Variants in ACTN2 observed in about 807,000 individuals in gnomAD.
The protein encoded by ACTN2 is alpha-actinin-2.
In ACTN2, 39 loss-of-function variants were observed where a neutral mutation model predicts 113.8. That is an observed-to-expected ratio of 0.34 (90% CI 0.27 to 0.45). The LOEUF (loss-of-function observed/expected upper bound fraction) is 0.45, where lower values mean the gene tolerates loss of function less well. Ranked by LOEUF, ACTN2 falls within the 20% of genes least tolerant of loss-of-function variation. The pLI is 1.00. For synonymous variants in ACTN2, 429 were observed against 444.1 expected (o/e 0.97, Z 0.43); for missense variants, 992 against 1,177.9 (o/e 0.84, Z 2.31).
chr1:236,707,709 C>CTTTTTTT (rs5781919), intron 1 of ACTN2, among the ~76,000 whole-genome samples: 57 of 78,646 alleles, frequency 7.2e-4, no homozygotes, highest in African/African-American at 1.8e-3. Context: ...TCTTTTTTTT[C>CTTTTTTT]TTTTTTTTTT....
In ACTN2 at chr1:236,694,981, G is replaced by T. The variant is rs558655186; in HGVS notation, c.126+8182G>T. 1.5e-4 allele frequency among the ~76,000 whole-genome samples: 23 copies of T among 152,142 alleles called. No individual in the cohort carries two copies. In the South Asian group the frequency reaches 4.4e-3, roughly 29 times the overall value. On this transcript the variant is annotated intron_variant, in intron 1 of 20. Coordinates refer to ENST00000366578, the MANE Select transcript of ACTN2 (RefSeq NM_001103.4). ...CTTGGGAGGCTGAAGTGAGAGGATT[G>T]CTTGAGCTCAGAAGTTTGAGGCTGC... is the stretch of plus-strand genomic sequence containing the variant.
intron 19 of ACTN2, among the ~76,000 whole-genome samples, chr1:236,760,177 C>T (rs540682501): frequency 1.2e-3 from 176 of 151,496 alleles, no homozygotes; most frequent in African/African-American, 3.9e-3. Flanking sequence ...ACCTGGGAGG[C>T]GGAGGTTGCA....
chr1:236,712,652 G>A (rs954435580), intron 1 of ACTN2, among the ~76,000 whole-genome samples: 1 of 152,102 alleles, frequency 6.6e-6, no homozygotes, highest in African/African-American at 2.4e-5. Context: ...GAGCGAGACC[G>A]TCTTATCTCT....
chr1:236,757,668 G>T, intron 18 of ACTN2, 36 bp downstream of exon 18: 1 of 1,612,770 alleles, frequency 6.2e-7, no homozygotes, highest in Non-Finnish European at 8.5e-7. Context: ...GCAATACTGG[G>T]GACATTAAAC....
At chr1:236,758,010 C>T (rs1257873271) in intron 18 of ACTN2, among the ~76,000 whole-genome samples, 2 of 152,158 alleles carry the variant, frequency 1.3e-5, no homozygotes, top group African/African-American at 4.8e-5. Flanking sequence ...TTAGGAAAAG[C>T]ATCTGGTCAT....
chr1:236,718,304 T>C (rs1040176195), intron 2 of ACTN2, among the ~76,000 whole-genome samples: 6 of 152,240 alleles, frequency 3.9e-5, no homozygotes, highest in Non-Finnish European at 8.8e-5. Context: ...AGAAATCATC[T>C]TGTATCCAAA....
Position 236,709,368 on chromosome 1 carries a change from G to GTATA in ACTN2, c.127-8480_127-8477dup, listed in dbSNP as rs370579623. 1.7e-3 allele frequency among the ~76,000 whole-genome samples: 236 copies of GTATA among 137,364 alleles called. 3 individuals carry two copies. Among genetic ancestry groups the GTATA allele is most frequent in the African/African-American group, 5.7e-3 (203 of 35,856 alleles). 90.1% of individuals were successfully genotyped at this position (137,364 alleles called of 152,430 possible). A position where few individuals can be genotyped will look rare whatever the true frequency, so the allele number is the denominator to read the frequency against. On this transcript the variant is annotated intron_variant, in intron 1 of 20. Transcript: ENST00000366578. ...TGTATATATATATATACGTGTGTGT[G>GTATA]TATATATATATATGTATGTATATCT...
chr1:236,747,144 A>C (rs1198493320), intron 12 of ACTN2, among the ~76,000 whole-genome samples: 2 of 152,202 alleles, frequency 1.3e-5, no homozygotes, highest in Non-Finnish European at 2.9e-5. Flanking sequence ...GGGCCTCTCC[A>C]AGAAAAGGAA....
At chr1:236,692,269 A>G (rs910290931) in intron 1 of ACTN2, among the ~76,000 whole-genome samples, 4 of 152,238 alleles carry the variant, frequency 2.6e-5, no homozygotes, top group Non-Finnish European at 5.9e-5. Flanking sequence ...GTATAAATCC[A>G]ATTAAGTAGA....
At chr1:236,743,594 C>A (rs1299784728) in intron 11 of ACTN2, among the ~76,000 whole-genome samples, 1 of 149,262 alleles carries the variant, frequency 6.7e-6, no homozygotes, top group Non-Finnish European at 1.5e-5. Context: ...TAGCTGTCTC[C>A]TGGACTAAAT....
intron 1 of ACTN2, among the ~76,000 whole-genome samples, chr1:236,701,721 C>T (rs1657682921): frequency 6.6e-6 from 1 of 152,190 alleles, no homozygotes; most frequent in South Asian, 2.1e-4. Flanking sequence ...GGACCAGTTA[C>T]CAAAGTCCTG....
intron 1 of ACTN2, among the ~76,000 whole-genome samples, chr1:236,703,257 A>T (rs1211588935): frequency 6.6e-6 from 1 of 152,094 alleles, no homozygotes. Flanking sequence ...TAATATGGTT[A>T]CTTACCAGAA....
intron 1 of ACTN2, among the ~76,000 whole-genome samples, chr1:236,690,679 C>T (rs1016073701): frequency 7.2e-5 from 11 of 152,144 alleles, no homozygotes; most frequent in South Asian, 2.1e-4. Flanking sequence ...ATCAGCACTG[C>T]GCTTAGACTT....
In ACTN2 at chr1:236,739,532, G is replaced by A. The variant is rs369218950; in HGVS notation, c.1107G>A (p.Ser369=). 6.9e-5 allele frequency: 111 copies of A among 1,613,950 alleles called. No individual in the cohort carries two copies. The highest frequency in any genetic ancestry group is 2.9e-4 in the East Asian group (13 of 44,868). The part of the protein sequence containing the change: ...AFMPSEGKMV[S]DIAGAWQRLE... Reference sequence around the variant, plus strand: ...TGCCCTCCGAGGGCAAGATGGTGTCGGTGAGTAGCAAGCGCCAAGCCCTCC... The same window carrying A: ...TGCCCTCCGAGGGCAAGATGGTGTCAGTGAGTAGCAAGCGCCAAGCCCTCC... The change falls in exon 10 of 21, where the codon TCG becomes TCA. Residue 369 remains serine, a splice_region_variant and synonymous_variant. Coordinates refer to ENST00000366578, the MANE Select transcript of ACTN2 (RefSeq NM_001103.4).
chr1:236,718,064 C>T lies in ACTN2; in HGVS notation c.241+92C>T, dbSNP rs1005905527. On this transcript the variant is annotated intron_variant, in intron 2 of 20. Transcript: ENST00000366578. ...GACTACATCAGAAGTTCGCTTTGAA[C>T]TTGGCTGGGCAAGAACATGGTATTA... is the stretch of plus-strand genomic sequence containing the variant. 4.0e-6 allele frequency: 4 copies of T among 1,003,608 alleles called. No homozygotes were observed. The Admixed American group carries it at 5.9e-5, about 15-fold the overall frequency. 62.2% of individuals were successfully genotyped at this position (1,003,608 alleles called of 1,614,324 possible).
chr1:236,725,823 A>G, intron 4 of ACTN2, 110 bp from the exon 5 acceptor site: 1 of 923,946 alleles, frequency 1.1e-6, no homozygotes, highest in Non-Finnish European at 1.8e-6. Flanking sequence ...CTGTAGGAAG[A>G]GACCCCCTGG....
In ACTN2 at chr1:236,761,126, A is replaced by G. The variant is rs747824606; in HGVS notation, c.2479A>G (p.Thr827Ala). 6.2e-7 allele frequency: 1 copy of G among 1,614,184 alleles called. No individual in the cohort carries two copies. The highest frequency in any genetic ancestry group is 8.5e-7 in the Non-Finnish European group (1 of 1,180,036). The change falls in exon 20 of 21, where the codon ACT becomes GCT. Residue 827 changes from threonine to alanine, a missense_variant. Thr to Ala is a moderately conservative substitution (Grantham distance 58, BLOSUM62 0). This residue lies in a region of ACTN2 where 736 missense variants were observed against 815.4 expected (regional missense o/e 0.90). Transcript: ENST00000366578. ...FMTRETADTDTAEQVIASFRI... is the reference protein window; with the variant it reads ...FMTRETADTDAAEQVIASFRI... ...GACTAGAGAGACGGCTGACACCGAC[A>G]CTGCCGAGCAGGTCATCGCCTCCTT...
Position 236,731,215 on chromosome 1 carries a change from G to C in ACTN2, c.616-18G>C, listed in dbSNP as rs1451543924. The C allele has an allele frequency of 1.3e-6, 2 of 1,590,850 alleles. No homozygotes were observed. The highest frequency in any genetic ancestry group is 2.2e-5 in the South Asian group (2 of 90,548). ...CAAAATATATTTTAAAAATCTGACT[G>C]TCTTGGTTTTCATACAGGATGACCC... On this transcript the variant is annotated intron_variant, in intron 6 of 20. Coordinates refer to ENST00000366578, the MANE Select transcript of ACTN2 (RefSeq NM_001103.4).
chr1:236,718,924 A>C lies in ACTN2; in HGVS notation c.272A>C (p.Lys91Thr). 1.2e-6 allele frequency: 2 copies of C among 1,614,220 alleles called. No individual in the cohort carries two copies. The highest frequency in any genetic ancestry group is 1.7e-6 in the Non-Finnish European group (2 of 1,180,022). Residue 91 changes from lysine to threonine, a missense_variant, in exon 3 of 21, where the codon AAA (lysine) becomes ACA (threonine). Coordinates refer to ENST00000366578, the MANE Select transcript of ACTN2 (RefSeq NM_001103.4). ...GERLPKPDRG[K>T]MRFHKIANVN... ...AGGCTGCCCAAACCTGACCGGGGAA[A>C]AATGCGGTTCCACAAAATTGCTAAT...
Sources: allele counts gnomAD v4.1 joint callset (sites outside exome capture counted in the v4.1 genomes callset), GRCh38; gene constraint gnomAD v4.1.1; regional missense constraint gnomAD v4.1.1; transcripts MANE v1.5; gene names NCBI Gene and HGNC (gene_info 2026-07-23, HGNC 2026-07-21).